CRTAC1: variants seen among roughly 807,000 people sequenced by gnomAD.
CRTAC1 encodes the protein acidic secreted protein in cartilage.
In CRTAC1, 37 loss-of-function variants were observed where a neutral mutation model predicts 67.8. That is an observed-to-expected ratio of 0.55 (90% CI 0.42 to 0.72). The LOEUF is 0.72. Among genes scored for constraint, CRTAC1 ranks in the 30% least tolerant of loss-of-function variants. The pLI, the probability that CRTAC1 is intolerant of heterozygous loss-of-function variation, is 0.00. For synonymous variants in CRTAC1, 348 were observed against 371.0 expected, an observed-to-expected ratio of 0.94 and a Z score of 0.71; for missense variants, 780 against 931.6, an observed-to-expected ratio of 0.84 and a Z score of 2.12.
intron 1 of CRTAC1, among the ~76,000 whole-genome samples, chr10:98,022,620 G>C (rs541494060): frequency 6.6e-6 from 1 of 151,494 alleles, no homozygotes; most frequent in Non-Finnish European, 1.5e-5. Flanking sequence ...GGGTGGAGGG[G>C]AGAGAGAAGA....
intron 2 of CRTAC1, among the ~76,000 whole-genome samples, chr10:98,007,473 G>C (rs948905380): frequency 6.6e-6 from 1 of 152,158 alleles, no homozygotes; most frequent in Admixed American, 6.5e-5. Context: ...CTGAGAATTC[G>C]CAATGCTTCA....
intron 1 of CRTAC1, among the ~76,000 whole-genome samples, chr10:98,012,639 C>A (rs930177948): frequency 6.6e-6 from 1 of 152,202 alleles, no homozygotes; most frequent in Non-Finnish European, 1.5e-5. Flanking sequence ...GAGACAGATG[C>A]TCCTGCCGGC....
chr10:97,901,650 C>A lies in CRTAC1; in HGVS notation c.997-11G>T, dbSNP rs1371255003. The A allele has an allele frequency of 6.2e-7, 1 of 1,613,968 alleles. No homozygotes were observed. Among genetic ancestry groups the A allele is most frequent in the Non-Finnish European group, 8.5e-7 (1 of 1,179,918 alleles). On this transcript the variant is annotated splice_polypyrimidine_tract_variant and intron_variant, in intron 7 of 14. Transcript: ENST00000370597. ...GGGTGAGGCGATGTCCTGGAGGAAA[C>A]AAGGCTGGGGGTCAGTGGCAGGAGA...
At chr10:97,976,060 G>A (rs1265799483) in intron 2 of CRTAC1, among the ~76,000 whole-genome samples, 1 of 152,172 alleles carries the variant, frequency 6.6e-6, no homozygotes, top group Non-Finnish European at 1.5e-5. Context: ...AGGGAGGTGC[G>A]TGCCTGGAGA....
At position 97,865,357 on chromosome 10, in the gene CRTAC1, C is replaced by T. The variant is rs1382834502; in HGVS notation, c.*191G>A. The stretch of plus-strand genomic sequence containing the variant: ...GGGCAGCGACCCTGTCTGCTGTGAT[C>T]ACAGCTATGTGCCCAGCACAGGGCC... On this transcript the variant is annotated 3_prime_UTR_variant, in exon 15 of 15. Coordinates refer to ENST00000370597, the MANE Select transcript of CRTAC1 (RefSeq NM_018058.7). 1.6e-6 allele frequency: 1 copy of T among 618,952 alleles called. No homozygotes were observed. Among genetic ancestry groups the T allele is most frequent in the Admixed American group, 3.3e-5 (1 of 30,256 alleles). The allele number at this position is 618,952 out of a possible 1,614,324, so 38.3% of individuals were successfully genotyped here.
intron 3 of CRTAC1, among the ~76,000 whole-genome samples, chr10:97,926,047 C>T (rs1022150263): frequency 6.6e-6 from 1 of 152,178 alleles, no homozygotes; most frequent in Non-Finnish European, 1.5e-5. Context: ...ACCCTCTCTC[C>T]CTGCCTGCTG....
intron 2 of CRTAC1, among the ~76,000 whole-genome samples, chr10:98,004,542 C>T (rs1842747708): frequency 6.6e-6 from 1 of 152,148 alleles, no homozygotes; most frequent in Non-Finnish European, 1.5e-5. Flanking sequence ...GAACATATCC[C>T]TGACCCTGCA....
chr10:98,023,396 C>T (rs1000498117), intron 1 of CRTAC1, among the ~76,000 whole-genome samples: 5 of 152,204 alleles, frequency 3.3e-5, no homozygotes, highest in Admixed American at 2.6e-4. Context: ...CATTCACTTA[C>T]TCATTTGTGC....
intron 6 of CRTAC1, among the ~76,000 whole-genome samples, chr10:97,907,581 G>A (rs1034855853): frequency 2.0e-5 from 3 of 152,058 alleles, no homozygotes; most frequent in Non-Finnish European, 4.4e-5. Context: ...TGATTCAAGT[G>A]GGCATCCCTG....
chr10:97,949,623 G>C (rs1024081051), intron 2 of CRTAC1, among the ~76,000 whole-genome samples: 2 of 152,226 alleles, frequency 1.3e-5, no homozygotes, highest in African/African-American at 4.8e-5. Flanking sequence ...GTGGCGGAGA[G>C]AGCCCTGGAC....
intron 1 of CRTAC1, among the ~76,000 whole-genome samples, chr10:98,020,353 C>A (rs1314129225): frequency 6.9e-6 from 1 of 144,066 alleles, no homozygotes; most frequent in Non-Finnish European, 1.5e-5. Flanking sequence ...TCTAACCCTT[C>A]ACATAAGTAA....
At chr10:97,968,580 G>A (rs963762562) in intron 2 of CRTAC1, among the ~76,000 whole-genome samples, 2 of 152,108 alleles carry the variant, frequency 1.3e-5, no homozygotes, top group Non-Finnish European at 2.9e-5. Flanking sequence ...GGATCTAGTC[G>A]GGGTAAATGG....
chr10:97,968,799 C>T (rs967645020), intron 2 of CRTAC1, among the ~76,000 whole-genome samples: 10 of 152,190 alleles, frequency 6.6e-5, no homozygotes, highest in African/African-American at 1.4e-4. Context: ...TCACCTCTTG[C>T]GGAAGGAATA....
rs189772408 is a variant in CRTAC1 at position 98,028,963 on chromosome 10, C to T, written c.24+1486G>A. On this transcript the variant is annotated intron_variant, in intron 1 of 14. Coordinates refer to ENST00000370597, the MANE Select transcript of CRTAC1 (RefSeq NM_018058.7). The stretch of plus-strand genomic sequence containing the variant: ...TTTTCCAGAGTCCATTAGTACCCAC[C>T]GGAAATGGAAATGTTCTAATTGTGG... 2.7e-3 allele frequency among the ~76,000 whole-genome samples: 417 copies of T among 152,206 alleles called. 7 individuals carry two copies. Among genetic ancestry groups the T allele is most frequent in the Admixed American group, 0.023 (349 of 15,292 alleles).
rs769375436 is a variant in CRTAC1 at position 97,908,047 on chromosome 10, G to A, written c.816C>T (p.Gly272=). The A allele has an allele frequency of 3.7e-6, 6 of 1,614,162 alleles. No homozygotes were observed. Among genetic ancestry groups the A allele is most frequent in the East Asian group, 2.2e-5 (1 of 44,884 alleles). ...CCGCAGCGTCCACAAAGGTGCCATC[G>A]CCCCGGTTGTGGAAAAGGAAGTTAG... ...NGPNFLFHNR[G]DGTFVDAAAS... The change falls in exon 6 of 15, where the codon GGC becomes GGT. Residue 272 remains glycine, a synonymous_variant. Coordinates refer to ENST00000370597, the MANE Select transcript of CRTAC1 (RefSeq NM_018058.7).
chr10:97,943,128 TAG>T (rs1171787306), intron 2 of CRTAC1, among the ~76,000 whole-genome samples: 1 of 149,904 alleles, frequency 6.7e-6, no homozygotes, highest in Non-Finnish European at 1.5e-5. Flanking sequence ...ATAGTCAAGA[TAG>T]AGAGTCAGGG....
intron 4 of CRTAC1, among the ~76,000 whole-genome samples, chr10:97,918,336 G>T (rs566905947): frequency 6.6e-6 from 1 of 152,128 alleles, no homozygotes; most frequent in Non-Finnish European, 1.5e-5. Context: ...CAGCTCCTCC[G>T]TGCAAGAGTC....
chr10:97,954,555 C>T (rs956296784), intron 2 of CRTAC1, among the ~76,000 whole-genome samples: 1 of 152,196 alleles, frequency 6.6e-6, no homozygotes, highest in Non-Finnish European at 1.5e-5. Context: ...ATGAGGAGGA[C>T]ACCATGAATG....
At position 97,895,454 on chromosome 10, in the gene CRTAC1, C is replaced by T; in HGVS notation, c.1318-41G>A. On this transcript the variant is annotated intron_variant, in intron 10 of 14. Transcript: ENST00000370597. This position sits in a 1 kb window ranked among gnomAD's most constrained non-coding sequence, Gnocchi z 4.2. The stretch of plus-strand genomic sequence containing the variant: ...GAGGCAGACACCCGGTGGGCATCAG[C>T]ATGGTGGGTGGGAAGAGCAGGGAGC... 6.5e-7 allele frequency: 1 copy of T among 1,542,904 alleles called. No individual in the cohort carries two copies. Among genetic ancestry groups the T allele is most frequent in the Non-Finnish European group, 8.7e-7 (1 of 1,146,108 alleles).
Sources: gnomAD v4.1 joint callset for allele counts (sites outside exome capture counted in the v4.1 genomes callset) on GRCh38, gnomAD v4.1.1 for gene constraint, Gnocchi (gnomAD v3.1) non-coding constraint, MANE v1.5 for transcripts, NCBI Gene and HGNC (gene_info 2026-07-23, HGNC 2026-07-21) for gene names.